The following RNF130 variants were observed in gnomAD, a reference collection of about 807,000 sequenced individuals.
RNF130 encodes ring finger protein 130, also known as E3 ubiquitin-protein ligase RNF130.
In RNF130, 21 loss-of-function variants were observed where a neutral mutation model predicts 44.6. The observed-to-expected ratio is 0.47, with a 90% confidence interval of 0.33 to 0.68. The LOEUF (loss-of-function observed/expected upper bound fraction) is 0.68, where lower values mean the gene tolerates loss of function less well. Among genes scored for constraint, RNF130 ranks in the 30% least tolerant of loss-of-function variants. RNF130 has a pLI of 0.02. For missense variants in RNF130, 479 were observed against 560.6 expected (o/e 0.85, Z 1.47); for synonymous variants, 214 against 210.4 (o/e 1.02, Z -0.15).
chr5:179,971,463 G>A (rs150330043), intron 5 of RNF130, among the ~76,000 whole-genome samples: 96 of 152,288 alleles, frequency 6.3e-4, no homozygotes, highest in African/African-American at 2.1e-3. Context: ...TCCGCCTCCC[G>A]GGTTCACACC....
chr5:179,922,282 A>G (rs556144187), intron 7 of RNF130, among the ~76,000 whole-genome samples: 1 of 152,252 alleles, frequency 6.6e-6, no homozygotes, highest in Non-Finnish European at 1.5e-5. Context: ...TCTTTAGTCC[A>G]TTAAAAAAAC....
Position 179,940,287 on chromosome 5 carries a change from C to A in RNF130, c.1151-19861G>T, listed in dbSNP as rs1761953787. Reference sequence around the variant, plus strand: ...TCTGTCACCCAGGCTGGGGTGCGATCTCGGCTCACTGCAACTTCCGCTTCC... The same window carrying A: ...TCTGTCACCCAGGCTGGGGTGCGATATCGGCTCACTGCAACTTCCGCTTCC... On this transcript the variant is annotated intron_variant, in intron 7 of 7. Transcript: ENST00000522208. Among the ~76,000 whole-genome samples, 3 of 150,734 alleles carry A rather than the reference C, an allele frequency of 2.0e-5. No individual in the cohort carries two copies. The South Asian group carries it at 6.3e-4, about 32-fold the overall frequency.
rs142538573 is a variant in RNF130 at position 180,035,745 on chromosome 5, A to G, written c.442+4708T>C. ...CTGAGGCTCTGTTCATTTTCCTTCAATTGATTCTTCCCTCTACTATTTTGA... is the reference window on the plus strand; with the variant it reads ...CTGAGGCTCTGTTCATTTTCCTTCAGTTGATTCTTCCCTCTACTATTTTGA... On this transcript the variant is annotated intron_variant, in intron 2 of 8. Coordinates refer to ENST00000521389, the MANE Select transcript of RNF130 (RefSeq NM_018434.6). Among the ~76,000 whole-genome samples, 196 of 152,140 alleles carry G rather than the reference A, an allele frequency of 1.3e-3. 1 individual carries two copies. The highest frequency in any genetic ancestry group is 2.1e-3 in the Non-Finnish European group (142 of 67,988).
rs1763635180 is a variant in RNF130 at position 180,013,314 on chromosome 5, G to A, written c.443-3C>T. 1.3e-6 allele frequency: 2 copies of A among 1,595,876 alleles called. No homozygotes were observed. The highest frequency in any genetic ancestry group is 4.5e-5 in the East Asian group (2 of 44,670). On this transcript the variant is annotated splice_polypyrimidine_tract_variant and splice_region_variant and intron_variant, in intron 2 of 8. Transcript: ENST00000521389. ...GACAGCAATAATATCTCCAGTGCCT[G>A]CAATATAAAATAAATATATAACTCA...
intron 2 of RNF130, among the ~76,000 whole-genome samples, chr5:180,014,032 A>AC (rs1443578345): frequency 1.3e-5 from 2 of 152,168 alleles, no homozygotes; most frequent in African/African-American, 4.8e-5. Flanking sequence ...TGGAAATCAA[A>AC]CGTTCCAGAG....
At chr5:179,995,680 G>A (rs1193750479) in intron 3 of RNF130, among the ~76,000 whole-genome samples, 1 of 152,206 alleles carries the variant, frequency 6.6e-6, no homozygotes, top group Non-Finnish European at 1.5e-5. Context: ...AGCTCAAGGT[G>A]CTCTCCTGTG....
intron 8 of RNF130, among the ~76,000 whole-genome samples, chr5:179,957,580 T>C (rs1220710256): frequency 1.3e-5 from 2 of 152,192 alleles, no homozygotes; most frequent in African/African-American, 4.8e-5. Flanking sequence ...AGTAGTCAAA[T>C]GCAAGCAGTT....
intron 7 of RNF130, among the ~76,000 whole-genome samples, chr5:179,935,483 ATTTG>A (rs1339885718): frequency 6.6e-6 from 1 of 151,450 alleles, no homozygotes; most frequent in African/African-American, 2.4e-5. Context: ...GACTTTCAAC[ATTTG>A]TTTCTTTTCA....
intron 3 of RNF130, among the ~76,000 whole-genome samples, chr5:179,986,284 T>C (rs1224217500): frequency 6.6e-6 from 1 of 152,250 alleles, no homozygotes; most frequent in East Asian, 1.9e-4. Flanking sequence ...AGTCATTCTT[T>C]GTGAAATGGC....
chr5:179,926,936 C>A (rs968050431), intron 7 of RNF130, among the ~76,000 whole-genome samples: 2 of 152,206 alleles, frequency 1.3e-5, no homozygotes, highest in African/African-American at 4.8e-5. Flanking sequence ...TTGCTTACTT[C>A]GTGTGTGGGG....
At chr5:179,948,526 C>T (rs1762078650) in intron 7 of RNF130, among the ~76,000 whole-genome samples, 1 of 152,056 alleles carries the variant, frequency 6.6e-6, no homozygotes, top group Non-Finnish European at 1.5e-5. Context: ...CAAAAATTAG[C>T]CAGGCATGGT....
At chr5:179,968,781 T>C (rs940277980) in intron 6 of RNF130, among the ~76,000 whole-genome samples, 3 of 151,898 alleles carry the variant, frequency 2.0e-5, no homozygotes, top group African/African-American at 7.2e-5. Flanking sequence ...CTGGGGGACA[T>C]CTGGCAACGT....
intron 7 of RNF130, chr5:179,920,442 G>T (rs889990557): frequency 5.7e-6 from 4 of 702,116 alleles, no homozygotes; most frequent in Non-Finnish European, 1.0e-5. Flanking sequence ...AAAGGAAGAA[G>T]AGAAAGAGAC....
intron 8 of RNF130, among the ~76,000 whole-genome samples, chr5:179,959,762 G>A (rs1013012213): frequency 2.6e-5 from 4 of 152,140 alleles, no homozygotes; most frequent in African/African-American, 9.7e-5. Flanking sequence ...GAAGATCACC[G>A]GGAGCTTTCT....
intron 2 of RNF130, among the ~76,000 whole-genome samples, chr5:180,026,435 G>C (rs1383682908): frequency 6.6e-6 from 1 of 152,044 alleles, no homozygotes; most frequent in Non-Finnish European, 1.5e-5. Flanking sequence ...AACCCATAAC[G>C]TCCCCTTCAT....
intron 3 of RNF130, among the ~76,000 whole-genome samples, chr5:180,000,661 T>G (rs1763313654): frequency 6.6e-6 from 1 of 152,236 alleles, no homozygotes. Flanking sequence ...TTCTTACATA[T>G]GATCAAGTTT....
chr5:180,018,711 C>T (rs147873876), intron 2 of RNF130, among the ~76,000 whole-genome samples: 23 of 152,340 alleles, frequency 1.5e-4, no homozygotes, highest in East Asian at 3.9e-4. Context: ...ATTCTCTCTT[C>T]GCCCCCTGCC....
intron 7 of RNF130, among the ~76,000 whole-genome samples, chr5:179,923,415 G>A (rs1176616103): frequency 6.6e-6 from 1 of 152,198 alleles, no homozygotes; most frequent in Admixed American, 6.5e-5. Flanking sequence ...TCTTTATGCT[G>A]TTAAATTAAA....
At chr5:180,060,563 G>A (rs547824011) in intron 1 of RNF130, among the ~76,000 whole-genome samples, 120 of 152,248 alleles carry the variant, frequency 7.9e-4, no homozygotes, top group African/African-American at 2.2e-3. Flanking sequence ...CCAACACACC[G>A]CGAGGGCCTG....
Sources: gnomAD v4.1 joint callset for allele counts (sites outside exome capture counted in the v4.1 genomes callset) on GRCh38, gnomAD v4.1.1 for gene constraint, MANE v1.5 for transcripts, NCBI Gene and HGNC (gene_info 2026-07-23, HGNC 2026-07-21) for gene names.